Variants in SORCS3 observed in about 807,000 individuals in gnomAD.
SORCS3 encodes sortilin related VPS10 domain containing receptor 3.
SORCS3 carries 57 observed loss-of-function variants against 146.3 expected under a neutral mutation model. The ratio of observed to expected loss-of-function variants is 0.39; its 90% confidence interval spans 0.31 to 0.49. The LOEUF is 0.49. Among genes scored for constraint, SORCS3 ranks in the 20% least tolerant of loss-of-function variants. The pLI is 0.92. For synonymous variants in SORCS3, 653 were observed against 618.5 expected (o/e 1.06, Z -0.83); for missense variants, 1,341 against 1,575.5 (o/e 0.85, Z 2.52).
chr10:105,201,151 T>C lies in SORCS3; in HGVS notation c.2159T>C (p.Ile720Thr). The change falls in exon 16 of 27, where the codon ATA (isoleucine) becomes ACA (threonine). Residue 720 changes from isoleucine (I) to threonine (T), a missense_variant. Ile to Thr is a moderately conservative substitution (Grantham distance 89, BLOSUM62 -1). Transcript: ENST00000369701. Reference protein sequence around the residue: ...GEPCVMGERKIFKKRKPGAQC... With the variant: ...GEPCVMGERKTFKKRKPGAQC... ...CCTTGTGTCATGGGAGAAAGGAAAA[T>C]ATTCAAGAAACGTAAGCCAGGAGCT... 1 of 1,612,914 alleles carries C rather than the reference T, an allele frequency of 6.2e-7. No individual in the cohort carries two copies. Among genetic ancestry groups the C allele is most frequent in the Non-Finnish European group, 8.5e-7 (1 of 1,179,416 alleles).
At chr10:105,069,214 A>C (rs1285507560) in intron 5 of SORCS3, among the ~76,000 whole-genome samples, 1 of 152,216 alleles carries the variant, frequency 6.6e-6, no homozygotes, top group African/African-American at 2.4e-5. Context: ...GTATGCCTTC[A>C]AGTCTTTTGG....
intron 1 of SORCS3, among the ~76,000 whole-genome samples, chr10:104,682,479 C>T (rs759418788): frequency 6.6e-6 from 1 of 152,190 alleles, no homozygotes; most frequent in East Asian, 1.9e-4. Context: ...TGAATAAGGC[C>T]TGAACCTTAT....
chr10:105,251,114 A>G (rs2056895336), intron 22 of SORCS3, among the ~76,000 whole-genome samples: 1 of 152,186 alleles, frequency 6.6e-6, no homozygotes, highest in African/African-American at 2.4e-5. Context: ...TATACCCGAA[A>G]CTGGGTAATT....
At chr10:104,827,492 C>T (rs1229661985) in intron 1 of SORCS3, among the ~76,000 whole-genome samples, 1 of 152,044 alleles carries the variant, frequency 6.6e-6, no homozygotes, top group East Asian at 1.9e-4. Context: ...CAGTAGGTCT[C>T]AACAGTGGGC....
At chr10:105,145,669 C>G (rs7909950) in intron 8 of SORCS3, among the ~76,000 whole-genome samples, 2 of 152,062 alleles carry the variant, frequency 1.3e-5, no homozygotes, top group Non-Finnish European at 2.9e-5. Flanking sequence ...CAACACAACA[C>G]GACTTCATCA....
intron 4 of SORCS3, among the ~76,000 whole-genome samples, chr10:105,037,989 G>T (rs569145798): frequency 1.3e-5 from 2 of 152,312 alleles, no homozygotes; most frequent in South Asian, 4.1e-4. Context: ...AATCAATAAG[G>T]AAAAGAGTAT....
chr10:105,153,726 G>C (rs1343145786), intron 9 of SORCS3, among the ~76,000 whole-genome samples: 2 of 151,548 alleles, frequency 1.3e-5, no homozygotes, highest in Non-Finnish European at 2.9e-5. Context: ...GGTGTGATTT[G>C]CTTTTCTTCA....
At chr10:105,078,759 A>AGG (rs1157026777) in intron 5 of SORCS3, among the ~76,000 whole-genome samples, 1 of 152,186 alleles carries the variant, frequency 6.6e-6, no homozygotes, top group Non-Finnish European at 1.5e-5. Flanking sequence ...AACAATGACA[A>AGG]GGGTGCCATT....
At chr10:105,126,864 G>T (rs1242179229) in intron 7 of SORCS3, among the ~76,000 whole-genome samples, 2 of 152,108 alleles carry the variant, frequency 1.3e-5, no homozygotes, top group Non-Finnish European at 2.9e-5. Flanking sequence ...AAGGATTTTT[G>T]TAGCATCTTA....
At chr10:104,878,381 TA>T (rs371790979) in intron 2 of SORCS3, among the ~76,000 whole-genome samples, 64 of 152,226 alleles carry the variant, frequency 4.2e-4, no homozygotes, top group East Asian at 2.7e-3. Context: ...AGGAGGATGA[TA>T]GGGGTGGGGC....
intron 2 of SORCS3, among the ~76,000 whole-genome samples, chr10:104,893,877 T>C (rs937595805): frequency 5.9e-5 from 9 of 152,166 alleles, no homozygotes; most frequent in African/African-American, 1.2e-4. Flanking sequence ...CCTCGGGTTT[T>C]CTCCTGTGAC....
chr10:104,711,942 C>G (rs148588869), intron 1 of SORCS3, among the ~76,000 whole-genome samples: 1 of 152,132 alleles, frequency 6.6e-6, no homozygotes, highest in South Asian at 2.1e-4. Context: ...CTGCCTGCCC[C>G]GCTTTTCCAT....
intron 2 of SORCS3, among the ~76,000 whole-genome samples, chr10:104,893,006 T>C (rs368065859): frequency 3.1e-4 from 47 of 152,298 alleles, no homozygotes; most frequent in African/African-American, 1.1e-3. Context: ...ATTTTTCAGG[T>C]TTAGCCTAAA....
rs1430257863 is a variant in SORCS3, at chr10:105,263,960, A to G, written c.*586A>G. On this transcript the variant is annotated 3_prime_UTR_variant, in exon 27 of 27. Transcript: ENST00000369701. ...TTTCCTAAGAAATAATTTAATGTTT[A>G]GTAAAAAAGAAAACAGAAAAAAGAA... 1 of 152,766 alleles carries G rather than the reference A, an allele frequency of 6.5e-6. No homozygotes were observed. Among genetic ancestry groups the G allele is most frequent in the East Asian group, 1.9e-4 (1 of 5,202 alleles). The allele number at this position is 152,766 out of a possible 1,614,324, so 9.5% of individuals were successfully genotyped here.
chr10:105,006,840 A>G (rs528750814), intron 4 of SORCS3, among the ~76,000 whole-genome samples: 1 of 152,304 alleles, frequency 6.6e-6, no homozygotes, highest in African/African-American at 2.4e-5. Context: ...TCAACTTACA[A>G]CAGGCACCCC....
intron 11 of SORCS3, among the ~76,000 whole-genome samples, chr10:105,163,820 CCTGGCACTCAAAGGACATT>C (rs1287412825): frequency 3.3e-4 from 50 of 151,694 alleles, no homozygotes; most frequent in African/African-American, 1.2e-3. Flanking sequence ...CACTCAACTG[CCTGGCACTCAAAGGACATT>C]CTGACAAGTT....
chr10:105,225,453 T>G (rs1273269116), intron 20 of SORCS3, among the ~76,000 whole-genome samples: 1 of 152,066 alleles, frequency 6.6e-6, no homozygotes, highest in Admixed American at 6.5e-5. Context: ...TCCTGTTTTT[T>G]TTCACCAATA....
intron 7 of SORCS3, among the ~76,000 whole-genome samples, chr10:105,138,923 C>A (rs534281095): frequency 6.6e-6 from 1 of 152,220 alleles, no homozygotes; most frequent in African/African-American, 2.4e-5. Flanking sequence ...GTGCTTAGAT[C>A]AGAAGTGAGA....
intron 1 of SORCS3, among the ~76,000 whole-genome samples, chr10:104,743,390 A>C (rs926319113): frequency 5.3e-5 from 8 of 152,214 alleles, no homozygotes; most frequent in African/African-American, 1.9e-4. Flanking sequence ...ACATTTATTA[A>C]GCATTCACTG....
Sources: gnomAD v4.1 joint callset for allele counts (sites outside exome capture counted in the v4.1 genomes callset) on GRCh38, gnomAD v4.1.1 for gene constraint, MANE v1.5 for transcripts, NCBI Gene and HGNC (gene_info 2026-07-23, HGNC 2026-07-21) for gene names.